The following PPP1R3A variants were observed in gnomAD, a reference collection of about 807,000 sequenced individuals.
The protein encoded by PPP1R3A is protein phosphatase 1 regulatory subunit 3A.
PPP1R3A carries 29 observed loss-of-function variants against 41.7 expected under a neutral mutation model. That is an observed-to-expected ratio of 0.70 (90% CI 0.52 to 0.95). PPP1R3A has a LOEUF of 0.95. Ranked by LOEUF, PPP1R3A falls within the 40% of genes least tolerant of loss-of-function variation. PPP1R3A has a pLI of 0.00. For missense variants in PPP1R3A, 1,352 were observed against 1,292.4 expected (o/e 1.05, Z -0.71); for synonymous variants, 485 against 453.4 (o/e 1.07, Z -0.89).
At chr7:113,880,810 T>C (rs1796679390) in intron 3 of PPP1R3A, among the ~76,000 whole-genome samples, 1 of 152,028 alleles carries the variant, frequency 6.6e-6, no homozygotes, top group Admixed American at 6.6e-5. Context: ...AAGGCTCATG[T>C]TACTTGTCAA....
chr7:113,882,099 T>C lies in PPP1R3A; in HGVS notation c.906A>G (p.Arg302=). ...GTTCCCTGTTTACATCTTTTACATT[T>C]CGATTACTGGCTTCCAAATCTTCCT... ...EDKEDLEASN[R]NVKDVNREHD... is the part of the protein sequence containing the mutation. Residue 302 remains arginine (R), a synonymous_variant, in exon 3 of 4, where the codon CGA becomes CGG. Coordinates refer to ENST00000284601, the MANE Select transcript of PPP1R3A (RefSeq NM_002711.4). The C allele has an allele frequency of 6.2e-7, 1 of 1,612,308 alleles. No individual in the cohort carries two copies. Among genetic ancestry groups the C allele is most frequent in the Non-Finnish European group, 8.5e-7 (1 of 1,178,720 alleles).
intron 1 of PPP1R3A, among the ~76,000 whole-genome samples, chr7:113,898,834 T>C (rs963826778): frequency 1.3e-5 from 2 of 151,844 alleles, no homozygotes; most frequent in African/African-American, 2.4e-5. Context: ...CTGGCCACCA[T>C]TTCTTAGAGC....
chr7:113,885,112 T>C (rs11761082), intron 1 of PPP1R3A, among the ~76,000 whole-genome samples: 54,857 of 152,112 alleles, frequency 0.36, 12,947 homozygotes, highest in Non-Finnish European at 0.53. Flanking sequence ...TAGAGTCCAG[T>C]GCGCAATCTT....
chr7:113,907,594 G>GT (rs931137590), intron 1 of PPP1R3A, among the ~76,000 whole-genome samples: 3 of 151,342 alleles, frequency 2.0e-5, no homozygotes, highest in African/African-American at 4.8e-5. Flanking sequence ...TTTCATAATT[G>GT]TTTTTTTAAA....
chr7:113,901,762 C>T (rs1184486372), intron 1 of PPP1R3A, among the ~76,000 whole-genome samples: 1 of 151,626 alleles, frequency 6.6e-6, no homozygotes, highest in African/African-American at 2.4e-5. Context: ...GTATTATTTT[C>T]AAATCCCCTG....
At chr7:113,911,538 T>C (rs1312042818) in intron 1 of PPP1R3A, among the ~76,000 whole-genome samples, 1 of 152,088 alleles carries the variant, frequency 6.6e-6, no homozygotes, top group East Asian at 1.9e-4. Flanking sequence ...TCAACTCAGA[T>C]ATTTAGTCCA....
rs560209768 is a variant in PPP1R3A at position 113,909,912 on chromosome 7, T to G, written c.782+8303A>C. Among the ~76,000 whole-genome samples, 25 of 152,218 alleles carry G rather than the reference T, an allele frequency of 1.6e-4. No individual in the cohort carries two copies. In the South Asian group the frequency reaches 1.9e-3, roughly 11 times the overall value. ...TCTTCCCAAGAGATATGTATTAGTT[T>G]GTTCTCACACTGCTAATAAAGAGAT... On this transcript the variant is annotated intron_variant, in intron 1 of 3. Coordinates refer to ENST00000284601, the MANE Select transcript of PPP1R3A (RefSeq NM_002711.4).
In PPP1R3A at chr7:113,877,491, A is replaced by G; in HGVS notation, c.*232T>C. ...GGAGCAACAGCTGTACCTAATTTCA[A>G]CTTGACGTGCTTCAGATCTCATATT... On this transcript the variant is annotated 3_prime_UTR_variant, in exon 4 of 4. Transcript: ENST00000284601. 2.5e-6 allele frequency: 1 copy of G among 401,536 alleles called. No individual in the cohort carries two copies. The highest frequency in any genetic ancestry group is 4.4e-6 in the Non-Finnish European group (1 of 229,822). The allele number at this position is 401,536 out of a possible 1,614,324, so 24.9% of individuals were successfully genotyped here.
chr7:113,878,745 A>AATC lies in PPP1R3A; in HGVS notation c.2344_2346dup (p.Asp782dup). The AATC allele has an allele frequency of 6.2e-7, 1 of 1,613,486 alleles. No homozygotes were observed. Among genetic ancestry groups the AATC allele is most frequent in the Middle Eastern group, 1.7e-4 (1 of 6,056 alleles). On this transcript the variant is annotated inframe_insertion, in exon 4 of 4. Coordinates refer to ENST00000284601, the MANE Select transcript of PPP1R3A (RefSeq NM_002711.4). ...TCTCGTTGACAAAGGGTATAATGTG[A>AATC]ATCATCATTTCTCCCTTCATGTGGA... is the stretch of plus-strand genomic sequence containing the variant.
intron 1 of PPP1R3A, among the ~76,000 whole-genome samples, chr7:113,893,844 T>A (rs1348335177): frequency 6.6e-6 from 1 of 152,058 alleles, no homozygotes; most frequent in Non-Finnish European, 1.5e-5. Context: ...CTTTGCCTTA[T>A]TGATCCAGGA....
intron 1 of PPP1R3A, among the ~76,000 whole-genome samples, chr7:113,917,096 C>T (rs1797354468): frequency 6.6e-6 from 1 of 151,970 alleles, no homozygotes; most frequent in Non-Finnish European, 1.5e-5. Context: ...AAAAATTTCC[C>T]AATATCGTAT....
rs144121955 is a variant in PPP1R3A at position 113,905,595 on chromosome 7, T to C, written c.782+12620A>G. Among the ~76,000 whole-genome samples the C allele has an allele frequency of 2.9e-3, 436 of 151,984 alleles. 2 individuals are homozygous for C. The highest frequency in any genetic ancestry group is 1.0e-2 in the African/African-American group (415 of 41,536). On this transcript the variant is annotated intron_variant, in intron 1 of 3. Coordinates refer to ENST00000284601, the MANE Select transcript of PPP1R3A (RefSeq NM_002711.4). ...TTAAGTAGTACACAATAGAGTGTAG[T>C]AGACACATCACACTAAATTTTTGTA...
In PPP1R3A at chr7:113,878,864, C is replaced by A; in HGVS notation, c.2228G>T (p.Ser743Ile). ...TATTGCTTTTTCTCTAGCAGACATGCTTTCTGGAGTACTTTCTGATGTTGT... is the reference window on the plus strand; with the variant it reads ...TATTGCTTTTTCTCTAGCAGACATGATTTCTGGAGTACTTTCTGATGTTGT... ...IKTTSESTPE[S>I]MSAREKAIIA... The change falls in exon 4 of 4, where the codon AGC (serine) becomes ATC (isoleucine). Residue 743 changes from serine (S) to isoleucine (I), a missense_variant. Transcript: ENST00000284601. 2 of 1,613,026 alleles carry A rather than the reference C, an allele frequency of 1.2e-6. No individual in the cohort carries two copies. The highest frequency in any genetic ancestry group is 1.7e-6 in the Non-Finnish European group (2 of 1,179,758).
chr7:113,900,626 T>A (rs1222838477), intron 1 of PPP1R3A, among the ~76,000 whole-genome samples: 2 of 148,878 alleles, frequency 1.3e-5, no homozygotes, highest in Non-Finnish European at 3.0e-5. Flanking sequence ...TATATATTAT[T>A]GTATATATGA....
In PPP1R3A at chr7:113,882,265, T is replaced by C; in HGVS notation, c.838A>G (p.Thr280Ala). ...EENNFENPKN[T>A]DTYIPTIICS... ...TAAAATTAATGAAGAATATTACCTG[T>C]ATTCTTTGGATTCTCAAAGTTATTT... Residue 280 changes from threonine (T) to alanine (A), a missense_variant, in exon 2 of 4, where the codon ACA (threonine) becomes GCA (alanine). Thr to Ala is a moderately conservative substitution (Grantham distance 58). Coordinates refer to ENST00000284601, the MANE Select transcript of PPP1R3A (RefSeq NM_002711.4). 6.6e-7 allele frequency: 1 copy of C among 1,510,556 alleles called. No homozygotes were observed. Among genetic ancestry groups the C allele is most frequent in the Admixed American group, 1.7e-5 (1 of 59,484 alleles). 93.6% of individuals were successfully genotyped at this position (1,510,556 alleles called of 1,614,324 possible).
At chr7:113,881,233 T>C (rs774787096) in intron 3 of PPP1R3A, among the ~76,000 whole-genome samples, 8 of 152,158 alleles carry the variant, frequency 5.3e-5, no homozygotes, top group South Asian at 2.1e-4. Context: ...TGTGGGGAAA[T>C]AGATGAGCTC....
chr7:113,884,661 A>G (rs1796751847), intron 1 of PPP1R3A, among the ~76,000 whole-genome samples: 1 of 152,102 alleles, frequency 6.6e-6, no homozygotes, highest in Non-Finnish European at 1.5e-5. Flanking sequence ...TTTTCTTAAG[A>G]AAAAAGAAAA....
intron 1 of PPP1R3A, among the ~76,000 whole-genome samples, chr7:113,917,205 A>G (rs1039929215): frequency 6.6e-6 from 1 of 151,934 alleles, no homozygotes; most frequent in Non-Finnish European, 1.5e-5. Context: ...TATTTCCTAC[A>G]TTACACTATT....
At chr7:113,903,651 C>T (rs750558485) in intron 1 of PPP1R3A, among the ~76,000 whole-genome samples, 65 of 151,670 alleles carry the variant, frequency 4.3e-4, no homozygotes, top group Non-Finnish European at 8.1e-4. Flanking sequence ...AGTTAGCAAA[C>T]TGAATCTTAC....
Sources: allele counts gnomAD v4.1 joint callset (sites outside exome capture counted in the v4.1 genomes callset), GRCh38; gene constraint gnomAD v4.1.1; transcripts MANE v1.5; gene names NCBI Gene and HGNC (gene_info 2026-07-23, HGNC 2026-07-21).